The following ARMC9 variants were observed in gnomAD, a reference collection of about 807,000 sequenced individuals.
The protein encoded by ARMC9 is lisH domain-containing protein ARMC9.
In ARMC9, 94 loss-of-function variants were observed where a neutral mutation model predicts 107.0. The observed-to-expected ratio is 0.88, with a 90% CI of 0.74 to 1.04. The LOEUF (loss-of-function observed/expected upper bound fraction) is 1.04. Ranked by LOEUF, ARMC9 falls within the 50% of genes least tolerant of loss-of-function variation. ARMC9 has a pLI of 0.00. For missense variants in ARMC9, 942 were observed against 1,030.1 expected (o/e 0.91, Z 1.17); for synonymous variants, 380 against 396.9 (o/e 0.96, Z 0.51).
At chr2:231,321,463 A>T (rs1048922068) in intron 19 of ARMC9, among the ~76,000 whole-genome samples, 1 of 152,328 alleles carries the variant, frequency 6.6e-6, no homozygotes, top group South Asian at 2.1e-4. Flanking sequence ...AAACTTTAAG[A>T]TTCATCTAAA....
rs532861082 is a variant in ARMC9 at position 231,360,770 on chromosome 2, G to A, written c.2148G>A (p.Lys716=). The A allele has an allele frequency of 1.3e-6, 2 of 1,536,180 alleles. No individual in the cohort carries two copies. Among genetic ancestry groups the A allele is most frequent in the East Asian group, 2.4e-5 (1 of 40,916 alleles). Residue 716 remains lysine (K), a synonymous_variant, in exon 23 of 25, where the codon AAG becomes AAA. Coordinates refer to ENST00000611582, the MANE Select transcript of ARMC9 (RefSeq NM_001352754.2). This position sits in a 1 kb window ranked among gnomAD's most constrained non-coding sequence, Gnocchi z 4.7. ...CVSSSSAIIA[K]PGEWLPRGRQ... is the part of the protein sequence containing the mutation. ...CCTCCCCAGCAGCCATCATCGCCAA[G>A]CCAGGAGAGTGGCTCCCAAGAGGAC...
At chr2:231,215,832 C>G (rs999324770) in intron 4 of ARMC9, among the ~76,000 whole-genome samples, 1 of 152,192 alleles carries the variant, frequency 6.6e-6, no homozygotes, top group East Asian at 1.9e-4. Context: ...GAAGGCTCTT[C>G]CTCAGGTTAT....
At chr2:231,246,701 T>C (rs555886807) in intron 9 of ARMC9, among the ~76,000 whole-genome samples, 8 of 152,330 alleles carry the variant, frequency 5.3e-5, no homozygotes, top group African/African-American at 1.7e-4. Flanking sequence ...AACGATTTAT[T>C]TTCCTTTCAG....
intron 12 of ARMC9, among the ~76,000 whole-genome samples, chr2:231,265,649 C>T (rs2038791874): frequency 6.6e-6 from 1 of 151,916 alleles, no homozygotes; most frequent in South Asian, 2.1e-4. Context: ...AATAACTTAT[C>T]CCTGTAATTA....
At chr2:231,344,765 T>C (rs1165866516) in intron 20 of ARMC9, among the ~76,000 whole-genome samples, 2 of 152,230 alleles carry the variant, frequency 1.3e-5, no homozygotes, top group East Asian at 1.9e-4. Context: ...TTTATACTGC[T>C]AAATGGTGTG....
At chr2:231,245,807 G>A (rs757275379) in intron 9 of ARMC9, among the ~76,000 whole-genome samples, 14 of 152,190 alleles carry the variant, frequency 9.2e-5, no homozygotes, top group Non-Finnish European at 1.5e-4. Context: ...AAGTGCCTTG[G>A]TTGGTCTTTC....
rs1341987081 is a variant in ARMC9 at position 231,328,814 on chromosome 2, C to CTTTTTTTTTTTTTTTTTTTT, written c.1774-2975_1774-2974insTTTTTTTTTTTTTTTTTTTT. Among the ~76,000 whole-genome samples, 853 of 126,976 alleles carry CTTTTTTTTTTTTTTTTTTTT rather than the reference C, an allele frequency of 6.7e-3. 96 individuals are homozygous for CTTTTTTTTTTTTTTTTTTTT. The highest frequency in any genetic ancestry group is 9.3e-3 in the African/African-American group (322 of 34,690). The allele number at this position is 126,976 out of a possible 152,430, so 83.3% of individuals were successfully genotyped here. ...AGCGTGTTCAATTTTCTTTTCTTTT[C>CTTTTTTTTTTTTTTTTTTTT]TTTTCTTTTTTTTTTTTTGAGTCGG... On this transcript the variant is annotated intron_variant, in intron 19 of 24. Transcript: ENST00000611582.
At chr2:231,260,073 A>G (rs1304005946) in intron 11 of ARMC9, among the ~76,000 whole-genome samples, 6 of 152,258 alleles carry the variant, frequency 3.9e-5, no homozygotes, top group Non-Finnish European at 8.8e-5. Flanking sequence ...AATAAATGAC[A>G]TGTTAACATA....
intron 21 of ARMC9, among the ~76,000 whole-genome samples, chr2:231,352,116 G>A (rs576904239): frequency 2.6e-5 from 4 of 152,024 alleles, no homozygotes; most frequent in Admixed American, 1.3e-4. Flanking sequence ...ACAGGCATGC[G>A]CCACCACATC....
At chr2:231,225,856 A>ATGATTGAT (rs962983505) in intron 6 of ARMC9, among the ~76,000 whole-genome samples, 1 of 152,150 alleles carries the variant, frequency 6.6e-6, no homozygotes, top group African/African-American at 2.4e-5. Flanking sequence ...ACATTGATTG[A>ATGATTGAT]TGATTGATTG....
At chr2:231,240,334 C>G (rs1231674177) in intron 9 of ARMC9, among the ~76,000 whole-genome samples, 2 of 152,218 alleles carry the variant, frequency 1.3e-5, no homozygotes, top group African/African-American at 2.4e-5. Context: ...ACTTTATTCT[C>G]CTTTTTTAAA....
At chr2:231,246,800 A>G (rs1559346532) in intron 9 of ARMC9, among the ~76,000 whole-genome samples, 2 of 152,074 alleles carry the variant, frequency 1.3e-5, no homozygotes, top group African/African-American at 2.4e-5. Flanking sequence ...TTACATTCCC[A>G]CGAACACATA....
At chr2:231,367,607 T>A (rs577903672) in intron 23 of ARMC9, among the ~76,000 whole-genome samples, 16 of 152,220 alleles carry the variant, frequency 1.1e-4, no homozygotes, top group Non-Finnish European at 2.4e-4. Flanking sequence ...AGGTTTCCTG[T>A]TGTTCCTTCT....
chr2:231,222,945 A>C, intron 6 of ARMC9, 125 bp downstream of exon 6: 1 of 579,258 alleles, frequency 1.7e-6, no homozygotes, highest in Non-Finnish European at 3.0e-6. Context: ...TGTTGCTTTC[A>C]TATTTACAAG....
In ARMC9 at chr2:231,297,226, G is replaced by A. The variant is rs1371297546; in HGVS notation, c.1773+973G>A. 6.6e-6 allele frequency among the ~76,000 whole-genome samples: 1 copy of A among 152,190 alleles called. No homozygotes were observed. The highest frequency in any genetic ancestry group is 1.9e-4 in the East Asian group (1 of 5,206). ...TTCACAGGCTGCAGGTGGCATCAGC[G>A]GGTACGTGCTCCTGCTGGCTCTTCC... On this transcript the variant is annotated intron_variant, in intron 19 of 24. Coordinates refer to ENST00000611582, the MANE Select transcript of ARMC9 (RefSeq NM_001352754.2). The surrounding 1 kb of genome is among the most constrained non-coding windows in gnomAD (Gnocchi z 4.2).
At position 231,214,969 on chromosome 2, in the gene ARMC9, A is replaced by G. The variant is rs199768804; in HGVS notation, c.316A>G (p.Ile106Val). 5.0e-6 allele frequency: 8 copies of G among 1,614,084 alleles called. No homozygotes were observed. Among genetic ancestry groups the G allele is most frequent in the East Asian group, 2.2e-5 (1 of 44,876 alleles). ...ATTCTATCTCCACATCCATTTTGCC[A>G]TCTATCTTTTGAAGTACTCTGTGGG... The part of the protein sequence containing the change: ...LEFYLHIHFA[I>V]YLLKYSVGRP... The change falls in exon 4 of 25, where the codon ATC becomes GTC. Residue 106 changes from isoleucine to valine, a missense_variant. By Grantham distance (29) the Ile-to-Val change is conservative. Coordinates refer to ENST00000611582, the MANE Select transcript of ARMC9 (RefSeq NM_001352754.2).
intron 9 of ARMC9, among the ~76,000 whole-genome samples, chr2:231,246,485 T>C (rs2036776093): frequency 6.6e-6 from 1 of 152,216 alleles, no homozygotes; most frequent in Non-Finnish European, 1.5e-5. Context: ...GTTAATTTGC[T>C]TAGGATGATG....
chr2:231,256,117 G>A, intron 9 of ARMC9: 8 of 1,552,838 alleles, frequency 5.2e-6, no homozygotes, highest in Non-Finnish European at 7.0e-6. Context: ...GCCGTGTGCA[G>A]CCTATCAAGC....
chr2:231,288,702 G>C (rs1256832634), intron 17 of ARMC9: 3 of 471,056 alleles, frequency 6.4e-6, no homozygotes, highest in African/African-American at 4.0e-5. Flanking sequence ...TTTTGCTGCT[G>C]ACAACATCAA....
Sources: gnomAD v4.1 joint callset for allele counts (sites outside exome capture counted in the v4.1 genomes callset) on GRCh38, gnomAD v4.1.1 for gene constraint, Gnocchi (gnomAD v3.1) non-coding constraint, MANE v1.5 for transcripts, NCBI Gene and HGNC (gene_info 2026-07-23, HGNC 2026-07-21) for gene names.